SH3TC1: variants seen among roughly 807,000 people sequenced by gnomAD.
SH3TC1 encodes the protein SH3 domain and tetratricopeptide repeats 1, also known as SH3 domain and tetratricopeptide repeat-containing protein 1.
A neutral mutation model predicts 117.3 loss-of-function variants in SH3TC1; 135 were observed. That is an observed-to-expected ratio of 1.15 (90% CI 1.00 to 1.33). The LOEUF (loss-of-function observed/expected upper bound fraction) is 1.33. Ranked by LOEUF, SH3TC1 falls within the 40% of genes most tolerant of loss-of-function variation. SH3TC1 has a pLI of 0.00. For missense variants in SH3TC1, 2,092 were observed against 1,794.3 expected, an observed-to-expected ratio of 1.17 and a Z score of -3.00; for synonymous variants, 898 against 816.9, an observed-to-expected ratio of 1.10 and a Z score of -1.69.
intron 16 of SH3TC1, chr4:8,236,690 C>T: frequency 2.4e-6 from 1 of 413,002 alleles, no homozygotes. Flanking sequence ...AGTGTGCCCT[C>T]TGCCTTCCAG....
chr4:8,189,048 A>G (rs1717326562), intron 1 of SH3TC1, among the ~76,000 whole-genome samples: 1 of 152,232 alleles, frequency 6.6e-6, no homozygotes, highest in Non-Finnish European at 1.5e-5. Flanking sequence ...CTGCCCACAC[A>G]GCTTTGCCTC....
Position 8,214,514 on chromosome 4 carries a change from G to A in SH3TC1, c.415G>A (p.Asp139Asn). 1 of 1,613,996 alleles carries A rather than the reference G, an allele frequency of 6.2e-7. No individual in the cohort carries two copies. Among genetic ancestry groups the A allele is most frequent in the Non-Finnish European group, 8.5e-7 (1 of 1,179,990 alleles). The change falls in exon 5 of 18, where the codon GAC becomes AAC. Residue 139 changes from aspartate to asparagine, a missense_variant. Transcript: ENST00000245105. ...ARLLSIHSDQ[D>N]RIVVTFKTFE... is the part of the protein sequence containing the mutation. ...GCTGCTGTCCATCCACAGTGACCAG[G>A]ACCGGATCGTGGTGACGTTTAAGAC...
chr4:8,216,642 G>A (rs1303187565), intron 6 of SH3TC1, among the ~76,000 whole-genome samples: 2 of 151,788 alleles, frequency 1.3e-5, no homozygotes. Context: ...AGTGGCTGGG[G>A]TCACTGGGGC....
At chr4:8,218,548 G>T (rs1466995904) in intron 8 of SH3TC1, among the ~76,000 whole-genome samples, 1 of 152,194 alleles carries the variant, frequency 6.6e-6, no homozygotes. Context: ...TCTCCAGCTT[G>T]TGAGGTCATA....
At chr4:8,230,111 T>C (rs560759785) in intron 12 of SH3TC1, among the ~76,000 whole-genome samples, 4 of 152,346 alleles carry the variant, frequency 2.6e-5, no homozygotes, top group Non-Finnish European at 5.9e-5. Context: ...ACATGCTTAC[T>C]TGTGGTCATT....
At chr4:8,197,133 A>T (rs1333505176), upstream of SH3TC1, among the ~76,000 whole-genome samples, 1 of 152,176 alleles carries the variant, frequency 6.6e-6, no homozygotes, top group Non-Finnish European at 1.5e-5. Flanking sequence ...ACTGAAGAGG[A>T]GACACAGACA....
At chr4:8,234,537 A>G (rs777348934) in intron 14 of SH3TC1, among the ~76,000 whole-genome samples, 61 of 150,494 alleles carry the variant, frequency 4.1e-4, no homozygotes, top group Non-Finnish European at 7.2e-4. Flanking sequence ...CCATCCATCC[A>G]TCCACCCACC....
In SH3TC1 at chr4:8,210,379, T is replaced by A. The variant is rs1368259846; in HGVS notation, c.247+557T>A. On this transcript the variant is annotated intron_variant, in intron 3 of 17. Transcript: ENST00000245105. The surrounding 1 kb of genome is among the most constrained non-coding windows in gnomAD (Gnocchi z 4.1). ...TGCTGGCTTTGCCCCTTGGCGGTGATGCCCGACTGTCCTTTGACTTTCCTT... is the reference window on the plus strand; with the variant it reads ...TGCTGGCTTTGCCCCTTGGCGGTGAAGCCCGACTGTCCTTTGACTTTCCTT... Among the ~76,000 whole-genome samples the A allele has an allele frequency of 1.3e-5, 2 of 152,258 alleles. No individual in the cohort carries two copies. The highest frequency in any genetic ancestry group is 4.1e-4 in the South Asian group (2 of 4,832).
upstream of SH3TC1, among the ~76,000 whole-genome samples, chr4:8,197,890 C>T (rs557848816): frequency 3.7e-4 from 57 of 152,228 alleles, no homozygotes; most frequent in African/African-American, 1.2e-3. Context: ...GTGAACAGGA[C>T]GGGAGGGCGA....
In SH3TC1 at chr4:8,240,746, G is replaced by C; in HGVS notation, c.3802G>C (p.Val1268Leu). 6.2e-7 allele frequency: 1 copy of C among 1,613,924 alleles called. No homozygotes were observed. The change falls in exon 18 of 18, where the codon GTG (valine) becomes CTG (leucine). Residue 1268 changes from valine (V) to leucine (L), a missense_variant. By Grantham distance (32) the Val-to-Leu change is conservative. Transcript: ENST00000245105. ...GYYQLALAAA[V>L]DLGNKKAQLK... Reference sequence around the variant, plus strand: ...CTACCAGCTGGCGCTGGCAGCCGCCGTGGACCTGGGCAACAAGAAGGCACA... The same window carrying C: ...CTACCAGCTGGCGCTGGCAGCCGCCCTGGACCTGGGCAACAAGAAGGCACA...
At chr4:8,208,632 C>T (rs781517603) in intron 2 of SH3TC1, among the ~76,000 whole-genome samples, 1 of 152,214 alleles carries the variant, frequency 6.6e-6, no homozygotes, top group Admixed American at 6.5e-5. Context: ...GGATAACAGG[C>T]GTGAGCCACT....
Position 8,186,753 on chromosome 4 carries a change from G to A in SH3TC1, c.-57+4543G>A, listed in dbSNP as rs751950658. Among the ~76,000 whole-genome samples, 4 of 152,122 alleles carry A rather than the reference G, an allele frequency of 2.6e-5. No individual in the cohort carries two copies. Among genetic ancestry groups the A allele is most frequent in the Non-Finnish European group, 5.9e-5 (4 of 68,036 alleles). On this transcript the variant is annotated intron_variant, in intron 1 of 16. Coordinates refer to the SH3TC1 transcript ENST00000508641. This position sits in a 1 kb window ranked among gnomAD's most constrained non-coding sequence, Gnocchi z 5.2. The stretch of plus-strand genomic sequence containing the variant: ...GAGGTCAAAAGTTCAAGACCAGCCC[G>A]GCCAACATGGTGAAACCCCATCTCT...
chr4:8,213,659 C>T (rs185357182), intron 4 of SH3TC1, among the ~76,000 whole-genome samples: 17 of 152,136 alleles, frequency 1.1e-4, no homozygotes, highest in African/African-American at 3.1e-4. Flanking sequence ...GCACTTTGGG[C>T]GAACGACGAA....
chr4:8,230,988 C>T (rs1190432865), intron 12 of SH3TC1, among the ~76,000 whole-genome samples: 1 of 152,108 alleles, frequency 6.6e-6, no homozygotes, highest in African/African-American at 2.4e-5. Flanking sequence ...CACCATGTTT[C>T]CCAGGCTAGT....
chr4:8,233,669 T>C (rs56403236), intron 14 of SH3TC1, among the ~76,000 whole-genome samples, 156 bp downstream of exon 14: 1 of 150,206 alleles, frequency 6.7e-6, no homozygotes, highest in Non-Finnish European at 1.5e-5. Flanking sequence ...ATCTACCCAT[T>C]CACCTATGGG....
chr4:8,186,089 T>A lies in SH3TC1; in HGVS notation c.-57+3879T>A, dbSNP rs1278554120. On this transcript the variant is annotated intron_variant, in intron 1 of 16. Coordinates refer to the SH3TC1 transcript ENST00000508641. This position sits in a 1 kb window ranked among gnomAD's most constrained non-coding sequence, Gnocchi z 5.2. Reference sequence around the variant, plus strand: ...GCGCGGGCCCCTCGCTGTTTTACTGTGGAGTTGTCGATTTTTTCCTCTGGT... The same window carrying A: ...GCGCGGGCCCCTCGCTGTTTTACTGAGGAGTTGTCGATTTTTTCCTCTGGT... Among the ~76,000 whole-genome samples the A allele has an allele frequency of 6.6e-6, 1 of 152,200 alleles. No homozygotes were observed. The highest frequency in any genetic ancestry group is 1.5e-5 in the Non-Finnish European group (1 of 68,028).
rs553277340 is a variant in SH3TC1 at position 8,223,528 on chromosome 4, C to T, written c.1243+558C>T. Among the ~76,000 whole-genome samples, 14 of 152,242 alleles carry T rather than the reference C, an allele frequency of 9.2e-5. No homozygotes were observed. The South Asian group carries it at 1.0e-3, about 11-fold the overall frequency. On this transcript the variant is annotated intron_variant, in intron 10 of 17. Transcript: ENST00000245105. ...GCTTTCTCTGGGGGCTGCAGTGCAA[C>T]GCATAGATGAAGTTGGCATGTCATC...
At chr4:8,215,812 C>T (rs1044521425) in intron 5 of SH3TC1, among the ~76,000 whole-genome samples, 5 of 152,232 alleles carry the variant, frequency 3.3e-5, no homozygotes. Flanking sequence ...GCACGGCCCC[C>T]GACCATATGG....
chr4:8,235,195 G>C (rs1578749977), intron 14 of SH3TC1, among the ~76,000 whole-genome samples: 1 of 152,350 alleles, frequency 6.6e-6, no homozygotes, highest in Non-Finnish European at 1.5e-5. Context: ...CTGGTGGCAG[G>C]ATTCACAGAT....
Sources: gnomAD v4.1 joint callset for allele counts (sites outside exome capture counted in the v4.1 genomes callset) on GRCh38, gnomAD v4.1.1 for gene constraint, Gnocchi (gnomAD v3.1) non-coding constraint, MANE v1.5 for transcripts, NCBI Gene and HGNC (gene_info 2026-07-23, HGNC 2026-07-21) for gene names.